The following ARHGAP35 variants were observed in gnomAD, a reference collection of about 807,000 sequenced individuals.
ARHGAP35 encodes the protein rho GTPase-activating protein 35.
A neutral mutation model predicts 111.1 loss-of-function variants in ARHGAP35; 15 were observed. The ratio of observed to expected loss-of-function variants is 0.13; its 90% CI spans 0.09 to 0.21. The LOEUF is 0.21. ARHGAP35 is among the 10% of genes least tolerant of loss of function. ARHGAP35 has a pLI of 1.00. For synonymous variants in ARHGAP35, 643 were observed against 710.3 expected (o/e 0.91, Z 1.51); for missense variants, 1,262 against 1,873.0 (o/e 0.67, Z 6.02).
chr19:46,918,040 A>G lies in ARHGAP35; in HGVS notation c.-188-448A>G, dbSNP rs1374879866. On this transcript the variant is annotated intron_variant, in intron 1 of 6. Transcript: ENST00000672722. This position sits in a 1 kb window ranked among gnomAD's most constrained non-coding sequence, Gnocchi z 5.4. ...AGGTTCCTGTTTTTGCAGTGGGTTT[A>G]TAATTCATTACCATACTTAATTATT... 6.6e-6 allele frequency among the ~76,000 whole-genome samples: 1 copy of G among 152,158 alleles called. No individual in the cohort carries two copies. Among genetic ancestry groups the G allele is most frequent in the African/African-American group, 2.4e-5 (1 of 41,438 alleles).
In ARHGAP35 at chr19:47,001,620, G is replaced by A. The variant is rs554718114; in HGVS notation, c.*932G>A. On this transcript the variant is annotated 3_prime_UTR_variant, in exon 7 of 7. Coordinates refer to ENST00000672722, the MANE Select transcript of ARHGAP35 (RefSeq NM_004491.5). This position sits in a 1 kb window ranked among gnomAD's most constrained non-coding sequence, Gnocchi z 5.4. ...AGATCCCCCGTTTTCCCAAGAAGAG[G>A]GTTCGAGCCCTTGGTGGGGACAGCT... is the stretch of plus-strand genomic sequence containing the variant. 14 of 368,094 alleles carry A rather than the reference G, an allele frequency of 3.8e-5. No homozygotes were observed. Among genetic ancestry groups the A allele is most frequent in the Admixed American group, 2.3e-4 (6 of 26,616 alleles). The allele number at this position is 368,094 out of a possible 1,614,324, so 22.8% of individuals were successfully genotyped here.
At chr19:46,915,929 CTT>C (rs869240851) in intron 1 of ARHGAP35, among the ~76,000 whole-genome samples, 20 of 113,560 alleles carry the variant, frequency 1.8e-4, no homozygotes, top group Admixed American at 2.8e-4. Context: ...AATCCAAACT[CTT>C]TTTTTTTTTT....
At chr19:46,953,067 C>A (rs563243273) in intron 3 of ARHGAP35, among the ~76,000 whole-genome samples, 1 of 152,054 alleles carries the variant, frequency 6.6e-6, no homozygotes, top group Admixed American at 6.6e-5. Flanking sequence ...CTCCTTTTTT[C>A]GCATATTCAG....
chr19:46,958,880 T>G (rs2056458755), intron 3 of ARHGAP35, among the ~76,000 whole-genome samples: 1 of 152,206 alleles, frequency 6.6e-6, no homozygotes, highest in African/African-American at 2.4e-5. Flanking sequence ...TTGGCCGTTT[T>G]TACTCATATA....
chr19:46,874,810 CT>C (rs537873271), intron 1 of ARHGAP35, among the ~76,000 whole-genome samples: 44,449 of 87,998 alleles, frequency 0.51, 9,238 homozygotes, highest in Middle Eastern at 0.65. Context: ...CAGTTTTGTC[CT>C]TTTTTTTTTT....
At chr19:46,941,997 T>C (rs1416522100) in intron 3 of ARHGAP35, among the ~76,000 whole-genome samples, 2 of 152,096 alleles carry the variant, frequency 1.3e-5, no homozygotes, top group Non-Finnish European at 2.9e-5. Context: ...CTTGTTGGCA[T>C]TAGTTTGTAC....
chr19:46,981,249 A>G (rs769874862), intron 3 of ARHGAP35, among the ~76,000 whole-genome samples: 19 of 152,224 alleles, frequency 1.2e-4, no homozygotes, highest in Non-Finnish European at 2.4e-4. Context: ...AGAAAAAGGG[A>G]ATGGTTTATT....
chr19:46,969,563 C>T lies in ARHGAP35; in HGVS notation c.3827-18426C>T, dbSNP rs759959774. Among the ~76,000 whole-genome samples the T allele has an allele frequency of 4.6e-5, 7 of 152,274 alleles. No homozygotes were observed. In the East Asian group the frequency reaches 5.8e-4, roughly 13 times the overall value. ...GGATGGGAGACAGCACTAGTGTCTTCGGTGAACGTCTGCATCCAGCCCGCG... is the reference window on the plus strand; with the variant it reads ...GGATGGGAGACAGCACTAGTGTCTTTGGTGAACGTCTGCATCCAGCCCGCG... On this transcript the variant is annotated intron_variant, in intron 3 of 6. Coordinates refer to ENST00000672722, the MANE Select transcript of ARHGAP35 (RefSeq NM_004491.5).
chr19:46,969,330 G>A (rs943127141), intron 3 of ARHGAP35, among the ~76,000 whole-genome samples: 3 of 152,138 alleles, frequency 2.0e-5, no homozygotes, highest in Non-Finnish European at 2.9e-5. Flanking sequence ...CATAATAAAC[G>A]GAGGATAGGT....
chr19:46,971,604 A>T (rs1201403687), intron 3 of ARHGAP35, among the ~76,000 whole-genome samples: 1 of 150,588 alleles, frequency 6.6e-6, no homozygotes, highest in East Asian at 2.0e-4. Flanking sequence ...GGTTCAAACG[A>T]TTCTCCTGCC....
chr19:46,940,000 G>T (rs988361276), intron 3 of ARHGAP35, among the ~76,000 whole-genome samples: 2 of 151,674 alleles, frequency 1.3e-5, no homozygotes, highest in Non-Finnish European at 2.9e-5. Flanking sequence ...ACTTTGGGAG[G>T]CCGAGGCAAG....
At chr19:46,970,233 T>C (rs2056537970) in intron 3 of ARHGAP35, among the ~76,000 whole-genome samples, 1 of 152,238 alleles carries the variant, frequency 6.6e-6, no homozygotes, top group South Asian at 2.1e-4. Context: ...GCTATTTCCA[T>C]TGGCAATATA....
At chr19:46,873,811 C>T (rs1413833284) in intron 1 of ARHGAP35, among the ~76,000 whole-genome samples, 2 of 151,722 alleles carry the variant, frequency 1.3e-5, no homozygotes, top group Admixed American at 6.6e-5. Context: ...TGCAGTGGCA[C>T]GATCTCGGCT....
chr19:46,998,807 A>G (rs2056729955), intron 5 of ARHGAP35, among the ~76,000 whole-genome samples: 1 of 152,150 alleles, frequency 6.6e-6, no homozygotes, highest in Admixed American at 6.5e-5. Flanking sequence ...AGCCCCTCCA[A>G]CGGGGATGTG....
chr19:46,866,342 A>G (rs2055856928), intron 1 of ARHGAP35, among the ~76,000 whole-genome samples: 1 of 152,230 alleles, frequency 6.6e-6, no homozygotes, highest in Non-Finnish European at 1.5e-5. Flanking sequence ...CGCGTAGTCT[A>G]GCCTCCTCAT....
chr19:46,930,721 C>T (rs926361524), intron 2 of ARHGAP35, among the ~76,000 whole-genome samples: 1 of 151,476 alleles, frequency 6.6e-6, no homozygotes, highest in African/African-American at 2.4e-5. Flanking sequence ...CCCTGCTGTT[C>T]CCACAGAAGA....
At chr19:46,867,626 A>C (rs1395653173) in intron 1 of ARHGAP35, among the ~76,000 whole-genome samples, 2 of 152,194 alleles carry the variant, frequency 1.3e-5, no homozygotes, top group Non-Finnish European at 2.9e-5. Flanking sequence ...CTCTAGATAG[A>C]CAGTAAACTC....
chr19:46,982,876 T>C (rs765702637), intron 3 of ARHGAP35, among the ~76,000 whole-genome samples: 2 of 150,994 alleles, frequency 1.3e-5, no homozygotes, highest in Non-Finnish European at 2.9e-5. Flanking sequence ...GAGACCCCCA[T>C]CTCTACGAAA....
chr19:46,887,034 G>A (rs1316007391), intron 1 of ARHGAP35, among the ~76,000 whole-genome samples: 1 of 152,068 alleles, frequency 6.6e-6, no homozygotes. Flanking sequence ...CTTAGGCCAG[G>A]TTCATTTTGT....
Sources: allele counts gnomAD v4.1 joint callset (sites outside exome capture counted in the v4.1 genomes callset), GRCh38; gene constraint gnomAD v4.1.1; non-coding constraint Gnocchi (gnomAD v3.1); transcripts MANE v1.5; gene names NCBI Gene and HGNC (gene_info 2026-07-23, HGNC 2026-07-21).